Variants in SLC27A1 observed in about 807,000 individuals in gnomAD.
SLC27A1 encodes solute carrier family 27 member 1.
A neutral mutation model predicts 62.2 loss-of-function variants in SLC27A1; 61 were observed. The ratio of observed to expected loss-of-function variants is 0.98; its 90% confidence interval spans 0.80 to 1.21. SLC27A1 has a LOEUF of 1.21. Among genes scored for constraint, SLC27A1 ranks in the 50% most tolerant of loss-of-function variants. The probability of loss-of-function intolerance (pLI) is 0.00; values close to 1 mark genes in which losing one functional copy is unlikely to be tolerated. For synonymous variants in SLC27A1, 435 were observed against 408.6 expected (o/e 1.06, Z -0.78); for missense variants, 903 against 932.1 (o/e 0.97, Z 0.41).
chr19:17,502,335 G>GTTTTTTTTTTTTTTTTTTTT lies in SLC27A1; in HGVS notation c.1783+924_1783+925insTTTTTTTTTTTTTTTTTTTT, dbSNP rs1175394305. 5.3e-5 allele frequency among the ~76,000 whole-genome samples: 4 copies of GTTTTTTTTTTTTTTTTTTTT among 75,902 alleles called. 1 individual carries two copies. The highest frequency in any genetic ancestry group is 1.0e-4 in the Non-Finnish European group (4 of 40,078). 49.8% of individuals were successfully genotyped at this position (75,902 alleles called of 152,430 possible). A position where few individuals can be genotyped will look rare whatever the true frequency, so the allele number is the denominator to read the frequency against. ...CTGCCACTAAGCATTCTGAAATAGT[G>GTTTTTTTTTTTTTTTTTTTT]TTTTTTTTGTTTTTTTTTTTTTTTT... On this transcript the variant is annotated intron_variant, in intron 11 of 11. Transcript: ENST00000252595.
chr19:17,489,180 A>C, intron 6 of SLC27A1, 63 bp downstream of exon 6: 1 of 1,378,454 alleles, frequency 7.3e-7, no homozygotes, highest in Non-Finnish European at 1.0e-6. Flanking sequence ...CCCCCTCCCA[A>C]TCAGGCCCCA....
intron 1 of SLC27A1, among the ~76,000 whole-genome samples, chr19:17,484,768 A>C (rs2075212217): frequency 6.6e-6 from 1 of 152,180 alleles, no homozygotes; most frequent in Admixed American, 6.5e-5. Context: ...GAGAGGATGA[A>C]TGAATATAGG....
At chr19:17,471,953 C>T (rs2075080744) in intron 1 of SLC27A1, among the ~76,000 whole-genome samples, 1 of 152,210 alleles carries the variant, frequency 6.6e-6, no homozygotes, top group African/African-American at 2.4e-5. Flanking sequence ...CATATGTTCA[C>T]CTGGTCTTCA....
chr19:17,477,812 CCCAA>C, intron 1 of SLC27A1, among the ~76,000 whole-genome samples: 1 of 152,188 alleles, frequency 6.6e-6, no homozygotes, highest in Admixed American at 6.5e-5. Context: ...ACCTCAGCCT[CCCAA>C]AGTGCTGGGA....
At chr19:17,496,537 C>T (rs985565241) in intron 6 of SLC27A1, 7 of 153,164 alleles carry the variant, frequency 4.6e-5, no homozygotes, top group African/African-American at 1.7e-4. Flanking sequence ...GGGTGACGCT[C>T]CGGCCAGCCC....
intron 1 of SLC27A1, among the ~76,000 whole-genome samples, chr19:17,473,122 G>A (rs971143193): frequency 5.9e-5 from 9 of 152,042 alleles, no homozygotes; most frequent in South Asian, 4.1e-4. Context: ...TTGTAGAGAC[G>A]TGGTTCTGCC....
chr19:17,478,409 G>A (rs538916251), intron 1 of SLC27A1, among the ~76,000 whole-genome samples: 3 of 146,330 alleles, frequency 2.1e-5, no homozygotes, highest in Non-Finnish European at 4.5e-5. Context: ...GGAGTCTGCA[G>A]TGAGCCAAGA....
intron 4 of SLC27A1, 159 bp from the exon 5 acceptor site, chr19:17,488,689 C>A: frequency 4.6e-6 from 3 of 650,406 alleles, no homozygotes; most frequent in African/African-American, 1.8e-5. Flanking sequence ...CTAACACCAC[C>A]AACAATTGTT....
intron 1 of SLC27A1, among the ~76,000 whole-genome samples, chr19:17,476,088 C>T (rs1448157476): frequency 3.9e-5 from 6 of 152,258 alleles, no homozygotes; most frequent in African/African-American, 9.6e-5. Flanking sequence ...TGCCTCTGGA[C>T]GGGCACCCTA....
rs566825387 is a variant in SLC27A1 at position 17,487,463 on chromosome 19, G to A, written c.728G>A (p.Arg243His). The A allele has an allele frequency of 2.9e-5, 47 of 1,597,726 alleles. No individual in the cohort carries two copies. In the African/African-American group the frequency reaches 4.0e-4, roughly 14 times the overall value. Reference protein sequence around the residue: ...AQIPSKGMDDRLFYIYTSGTT... With the variant: ...AQIPSKGMDDHLFYIYTSGTT... ...CTAACACCTGTATCTCCTGCAGATC[G>A]TCTTTTCTACATCTACACGTCGGGG... Residue 243 changes from arginine to histidine, a missense_variant, in exon 4 of 12, where the codon CGT becomes CAT. Coordinates refer to ENST00000252595, the MANE Select transcript of SLC27A1 (RefSeq NM_198580.3).
intron 6 of SLC27A1, chr19:17,497,035 A>C: frequency 2.1e-6 from 1 of 486,232 alleles, no homozygotes; most frequent in Admixed American, 4.4e-5. Flanking sequence ...AAAACAACAA[A>C]AAAAGCTGCA....
At chr19:17,470,735 C>T (rs758505644) in intron 1 of SLC27A1, 28 bp downstream of exon 1, 1 of 1,546,940 alleles carries the variant, frequency 6.5e-7, no homozygotes, top group Non-Finnish European at 8.7e-7. Flanking sequence ...CCGTCCAGGG[C>T]TGGGGGCGGG....
chr19:17,472,972 G>GT (rs1286915426), intron 1 of SLC27A1, among the ~76,000 whole-genome samples: 1 of 152,028 alleles, frequency 6.6e-6, no homozygotes, highest in Non-Finnish European at 1.5e-5. Flanking sequence ...TTAATAGAAT[G>GT]TTTTTTATAG....
chr19:17,477,240 C>CT (rs1221324202), intron 1 of SLC27A1, among the ~76,000 whole-genome samples: 1,166 of 43,708 alleles, frequency 0.027, 212 homozygotes, highest in African/African-American at 0.063. Flanking sequence ...ATGAGCAGCG[C>CT]TTTTTTTTTT....
At chr19:17,469,510 T>C (rs982743212), upstream of SLC27A1, among the ~76,000 whole-genome samples, 1 of 151,950 alleles carries the variant, frequency 6.6e-6, no homozygotes, top group African/African-American at 2.4e-5. Flanking sequence ...AGGACACGTG[T>C]GTTTCCTAAA....
intron 6 of SLC27A1, chr19:17,490,226 A>G (rs2075281295): frequency 6.6e-6 from 1 of 152,140 alleles, no homozygotes; most frequent in African/African-American, 2.4e-5. Flanking sequence ...ATCATGGCTC[A>G]CTGCAGCTTT....
In SLC27A1 at chr19:17,504,592, T is replaced by A; in HGVS notation, c.1921T>A (p.Ser641Thr). The A allele has an allele frequency of 6.2e-7, 1 of 1,614,154 alleles. No homozygotes were observed. Among genetic ancestry groups the A allele is most frequent in the Non-Finnish European group, 8.5e-7 (1 of 1,180,038 alleles). ...LNEAVYTRIC[S>T]GAFAL ...TGAGGCAGTCTACACTCGCATCTGC[T>A]CGGGCGCCTTCGCCCTCTGAAGCTG... The change falls in exon 12 of 12, where the codon TCG becomes ACG. Residue 641 changes from serine (S) to threonine (T), a missense_variant. Coordinates refer to ENST00000252595, the MANE Select transcript of SLC27A1 (RefSeq NM_198580.3).
chr19:17,477,240 C>CTTT lies in SLC27A1; in HGVS notation c.167+6555_167+6557dup, dbSNP rs1221324202. The stretch of plus-strand genomic sequence containing the variant: ...TTATTGGTTGAATGGATGAGCAGCG[C>CTTT]TTTTTTTTTTTTTTTTTTTTTTTTG... On this transcript the variant is annotated intron_variant, in intron 1 of 11. Coordinates refer to ENST00000252595, the MANE Select transcript of SLC27A1 (RefSeq NM_198580.3). Among the ~76,000 whole-genome samples, 171 of 43,816 alleles carry CTTT rather than the reference C, an allele frequency of 3.9e-3. 38 individuals carry two copies. The highest frequency in any genetic ancestry group is 0.013 in the African/African-American group (145 of 10,884). 28.7% of individuals were successfully genotyped at this position (43,816 alleles called of 152,430 possible). A position where few individuals can be genotyped will look rare whatever the true frequency, so the allele number is the denominator to read the frequency against.
upstream of SLC27A1, chr19:17,470,508 G>A: frequency 5.3e-6 from 8 of 1,511,470 alleles, no homozygotes; most frequent in South Asian, 1.2e-5. Context: ...GGCTGGAGCG[G>A]CCCGCGGCCT....
Sources: gnomAD v4.1 joint callset for allele counts (sites outside exome capture counted in the v4.1 genomes callset) on GRCh38, gnomAD v4.1.1 for gene constraint, MANE v1.5 for transcripts, NCBI Gene and HGNC (gene_info 2026-07-23, HGNC 2026-07-21) for gene names.